The following DNMT1 variants were observed in gnomAD, a reference collection of about 807,000 sequenced individuals.
The protein encoded by DNMT1 is DNA (cytosine-5)-methyltransferase 1.
In DNMT1, 24 loss-of-function variants were observed where a neutral mutation model predicts 205.3. That is an observed-to-expected ratio of 0.12 (90% CI 0.08 to 0.16). The LOEUF (loss-of-function observed/expected upper bound fraction) is 0.16. Among genes scored for constraint, DNMT1 ranks in the 10% least tolerant of loss-of-function variants. The pLI, the probability that DNMT1 is intolerant of heterozygous loss-of-function variation, is 1.00. For missense variants in DNMT1, 1,293 were observed against 2,177.7 expected (o/e 0.59, Z 8.09); for synonymous variants, 817 against 839.8 (o/e 0.97, Z 0.47).
chr19:10,191,353 T>C (rs1021824566), intron 1 of DNMT1, among the ~76,000 whole-genome samples: 1 of 148,922 alleles, frequency 6.7e-6, no homozygotes, highest in Admixed American at 6.8e-5. Context: ...TAATGAAATA[T>C]TTTCAAAATG....
In DNMT1 at chr19:10,133,792, A is replaced by C. The variant is rs774891864; in HGVS notation, c.4865-91T>G. ...GAGTAACAGACATGGACCATCAGGA[A>C]ACATTAACGTACTGATGTTAACAGC... is the stretch of plus-strand genomic sequence containing the variant. On this transcript the variant is annotated intron_variant, in intron 40 of 40. Coordinates refer to ENST00000359526, the MANE Select transcript of DNMT1 (RefSeq NM_001130823.3). This position sits in a 1 kb window ranked among gnomAD's most constrained non-coding sequence, Gnocchi z 4.1. 1.6e-5 allele frequency: 22 copies of C among 1,357,112 alleles called. No individual in the cohort carries two copies. The highest frequency in any genetic ancestry group is 2.0e-5 in the Non-Finnish European group (19 of 969,884). The allele number at this position is 1,357,112 out of a possible 1,614,324, so 84.1% of individuals were successfully genotyped here.
rs2089509954 is a variant in DNMT1 at position 10,137,454 on chromosome 19, G to A, written c.4294-174C>T. On this transcript the variant is annotated intron_variant, in intron 36 of 40. Coordinates refer to ENST00000359526, the MANE Select transcript of DNMT1 (RefSeq NM_001130823.3). The surrounding 1 kb of genome is among the most constrained non-coding windows in gnomAD (Gnocchi z 6.4). ...TGGCTCGAGGCCACGGCAGGGACCT[G>A]AGGCAGCGCAGGTGTAGGAGAGCGT... The A allele has an allele frequency of 5.1e-6, 4 of 781,322 alleles. No homozygotes were observed. The highest frequency in any genetic ancestry group is 4.8e-5 in the Admixed American group (2 of 41,638). The allele number at this position is 781,322 out of a possible 1,614,324, so 48.4% of individuals were successfully genotyped here. A position where few individuals can be genotyped will look rare whatever the true frequency, so the allele number is the denominator to read the frequency against.
At chr19:10,150,007 A>AG (rs781572642) in intron 24 of DNMT1, 39 bp from the exon 25 acceptor site, 1 of 1,586,170 alleles carries the variant, frequency 6.3e-7, no homozygotes, top group Non-Finnish European at 8.7e-7. Flanking sequence ...GATCATTCTG[A>AG]GGGTCTTTGC....
chr19:10,152,524 C>G (rs901738609), intron 22 of DNMT1, among the ~76,000 whole-genome samples: 1 of 152,022 alleles, frequency 6.6e-6, no homozygotes, highest in African/African-American at 2.4e-5. Flanking sequence ...ACTCAGGATG[C>G]TAAGGCGGGA....
chr19:10,188,856 G>A (rs1057459540), intron 1 of DNMT1, among the ~76,000 whole-genome samples: 7 of 152,132 alleles, frequency 4.6e-5, no homozygotes, highest in South Asian at 2.1e-4. Flanking sequence ...AGCGGGCAAC[G>A]ACCCTCAGTT....
intron 1 of DNMT1, 109 bp downstream of exon 1, chr19:10,194,711 T>G (rs1177270851): frequency 5.0e-6 from 7 of 1,414,122 alleles, no homozygotes; most frequent in Non-Finnish European, 6.6e-6. Flanking sequence ...ACCCCACGCA[T>G]GCGCGCCCGT....
intron 1 of DNMT1, among the ~76,000 whole-genome samples, chr19:10,192,924 G>A (rs1273756048): frequency 2.6e-5 from 4 of 152,180 alleles, no homozygotes; most frequent in African/African-American, 7.2e-5. Context: ...GTGTGCACCT[G>A]TAATCCCAGC....
At chr19:10,186,858 A>T (rs1305984023) in intron 1 of DNMT1, among the ~76,000 whole-genome samples, 2 of 149,666 alleles carry the variant, frequency 1.3e-5, no homozygotes, top group Admixed American at 1.3e-4. Context: ...AAAAAAAAAA[A>T]AGATATATAT....
At chr19:10,157,406 T>C (rs1359855246) in intron 17 of DNMT1, among the ~76,000 whole-genome samples, 1 of 152,172 alleles carries the variant, frequency 6.6e-6, no homozygotes, top group East Asian at 1.9e-4. Context: ...CTCAAACACC[T>C]GCGGCCCCAC....
intron 17 of DNMT1, among the ~76,000 whole-genome samples, chr19:10,158,391 G>A (rs897096802): frequency 2.0e-5 from 3 of 152,226 alleles, no homozygotes; most frequent in Admixed American, 6.5e-5. Flanking sequence ...CACGGGGAAC[G>A]TGTGGGTGCC....
Position 10,169,847 on chromosome 19 carries a change from C to T in DNMT1, c.769-1483G>A, listed in dbSNP as rs149852545. On this transcript the variant is annotated intron_variant, in intron 9 of 40. Coordinates refer to ENST00000359526, the MANE Select transcript of DNMT1 (RefSeq NM_001130823.3). ...GAGTATGCTTACAGGTGAGGGATTT[C>T]GATCTTGCCCCAGGTTCCTTCTTTG... is the stretch of plus-strand genomic sequence containing the variant. Among the ~76,000 whole-genome samples the T allele has an allele frequency of 2.3e-3, 350 of 152,320 alleles. 3 individuals are homozygous for T. Among genetic ancestry groups the T allele is most frequent in the African/African-American group, 8.0e-3 (331 of 41,586 alleles).
intron 11 of DNMT1, among the ~76,000 whole-genome samples, chr19:10,166,251 G>A (rs147980478): frequency 2.0e-5 from 3 of 152,316 alleles, no homozygotes; most frequent in Admixed American, 6.5e-5. Context: ...AATCAAAGGT[G>A]TGGCTGACAT....
Position 10,140,361 on chromosome 19 carries a change from C to A in DNMT1, c.3524-33G>T. On this transcript the variant is annotated intron_variant, in intron 32 of 40. Coordinates refer to ENST00000359526, the MANE Select transcript of DNMT1 (RefSeq NM_001130823.3). The surrounding 1 kb of genome is among the most constrained non-coding windows in gnomAD (Gnocchi z 8.4). The stretch of plus-strand genomic sequence containing the variant: ...ATCAAGCACGAAGCCATGCTTTCAA[C>A]TCTCCAGAAGATTTTTTTTTTTTTT... The A allele has an allele frequency of 1.2e-6, 2 of 1,610,086 alleles. No individual in the cohort carries two copies. The highest frequency in any genetic ancestry group is 1.7e-6 in the Non-Finnish European group (2 of 1,179,648).
chr19:10,180,969 G>C, intron 2 of DNMT1, 84 bp from the exon 3 acceptor site: 2 of 1,094,708 alleles, frequency 1.8e-6, no homozygotes, highest in East Asian at 2.4e-5. Context: ...TGAGCTGCCT[G>C]ATCACATCAC....
intron 9 of DNMT1, among the ~76,000 whole-genome samples, chr19:10,171,880 G>A (rs911527644): frequency 6.0e-5 from 9 of 150,730 alleles, no homozygotes; most frequent in Non-Finnish European, 1.0e-4. Context: ...GGTGGCAGGC[G>A]CCTGTAGCCC....
intron 30 of DNMT1, 48 bp from the exon 31 acceptor site, chr19:10,141,237 C>G: frequency 6.3e-7 from 1 of 1,591,960 alleles, no homozygotes. Context: ...CGCACTGTCC[C>G]CTCTCTAACG....
intron 1 of DNMT1, among the ~76,000 whole-genome samples, chr19:10,188,230 G>A (rs1050468779): frequency 4.6e-5 from 7 of 152,184 alleles, no homozygotes; most frequent in African/African-American, 1.4e-4. Flanking sequence ...GCCCAAGAAG[G>A]CATCCGCAGT....
chr19:10,148,033 T>C (rs1001876710), intron 27 of DNMT1, among the ~76,000 whole-genome samples: 5 of 136,536 alleles, frequency 3.7e-5, no homozygotes, highest in African/African-American at 5.6e-5. Flanking sequence ...GGAGAATCGC[T>C]TGAACCCAGG....
intron 9 of DNMT1, among the ~76,000 whole-genome samples, chr19:10,169,499 G>A (rs766607627): frequency 3.3e-5 from 5 of 152,040 alleles, no homozygotes; most frequent in African/African-American, 4.8e-5. Context: ...AGAGCTTGCA[G>A]TGAACCGAGA....
Sources: allele counts gnomAD v4.1 joint callset (sites outside exome capture counted in the v4.1 genomes callset), GRCh38; gene constraint gnomAD v4.1.1; non-coding constraint Gnocchi (gnomAD v3.1); transcripts MANE v1.5; gene names NCBI Gene and HGNC (gene_info 2026-07-23, HGNC 2026-07-21).